GPC5: variants seen among roughly 807,000 people sequenced by gnomAD.
GPC5 encodes glypican-5.
GPC5 carries 47 observed loss-of-function variants against 53.9 expected under a neutral mutation model. The ratio of observed to expected loss-of-function variants is 0.87; its 90% CI spans 0.69 to 1.11. The LOEUF (loss-of-function observed/expected upper bound fraction) is 1.11, where lower values mean the gene tolerates loss of function less well. Among genes scored for constraint, GPC5 ranks in the 50% most tolerant of loss-of-function variants. The pLI, the probability that GPC5 is intolerant of heterozygous loss-of-function variation, is 0.00. For synonymous variants in GPC5, 286 were observed against 263.3 expected (o/e 1.09, Z -0.84); for missense variants, 748 against 713.1 (o/e 1.05, Z -0.56).
chr13:91,571,726 A>AAT (rs112520647), intron 2 of GPC5, among the ~76,000 whole-genome samples: 32,319 of 124,042 alleles, frequency 0.26, 6,290 homozygotes, highest in African/African-American at 0.56. Context: ...CTCTGTCTCA[A>AAT]ATATATATAT....
At chr13:91,679,983 A>T (rs1367083683) in intron 2 of GPC5, among the ~76,000 whole-genome samples, 1 of 152,124 alleles carries the variant, frequency 6.6e-6, no homozygotes, top group Non-Finnish European at 1.5e-5. Context: ...ATGGTAATTC[A>T]GACTTAAGTA....
At chr13:92,453,842 C>T (rs1878161596) in intron 7 of GPC5, among the ~76,000 whole-genome samples, 1 of 152,156 alleles carries the variant, frequency 6.6e-6, no homozygotes, top group Admixed American at 6.5e-5. Flanking sequence ...ACATTTCTTT[C>T]ATTTAAAATT....
rs1023386152 is a variant in GPC5 at position 92,717,967 on chromosome 13, T to C, written c.1562-148315T>C. 5.9e-5 allele frequency among the ~76,000 whole-genome samples: 9 copies of C among 152,054 alleles called. 1 individual carries two copies. The highest frequency in any genetic ancestry group is 2.2e-4 in the African/African-American group (9 of 41,398). ...AAAAGGTCTAAGAAAGACATACCAA[T>C]GGCAGAGAAATGCAAATTAAAACTA... On this transcript the variant is annotated intron_variant, in intron 7 of 7. Coordinates refer to ENST00000377067, the MANE Select transcript of GPC5 (RefSeq NM_004466.6).
intron 7 of GPC5, among the ~76,000 whole-genome samples, chr13:92,316,606 C>T (rs11842269): frequency 5.9e-5 from 9 of 151,892 alleles, no homozygotes; most frequent in South Asian, 2.1e-4. Context: ...GAATAAGCAC[C>T]GAGGGCTTTT....
intron 7 of GPC5, among the ~76,000 whole-genome samples, chr13:92,650,884 T>A (rs2139165736): frequency 2.0e-5 from 3 of 152,270 alleles, no homozygotes; most frequent in Middle Eastern, 6.8e-3. Flanking sequence ...GGTGGTTTGC[T>A]GCATCTATTA....
intron 7 of GPC5, among the ~76,000 whole-genome samples, chr13:92,148,697 C>T (rs1020012069): frequency 6.6e-6 from 1 of 152,066 alleles, no homozygotes; most frequent in African/African-American, 2.4e-5. Context: ...AAAGTCGCCT[C>T]ACCCCTTGCC....
At chr13:92,507,783 T>C (rs962339489) in intron 7 of GPC5, among the ~76,000 whole-genome samples, 1 of 152,156 alleles carries the variant, frequency 6.6e-6, no homozygotes, top group African/African-American at 2.4e-5. Flanking sequence ...GAATAAAATA[T>C]ATCCTGCACA....
intron 2 of GPC5, among the ~76,000 whole-genome samples, chr13:91,687,932 T>C (rs976954611): frequency 6.6e-5 from 10 of 152,214 alleles, no homozygotes; most frequent in African/African-American, 1.7e-4. Context: ...ATTAAGTAGA[T>C]GTGATTAATT....
intron 2 of GPC5, among the ~76,000 whole-genome samples, chr13:91,654,206 A>C (rs2034791377): frequency 6.6e-6 from 1 of 152,184 alleles, no homozygotes; most frequent in African/African-American, 2.4e-5. Context: ...GAATTAATAT[A>C]AACTTTCTGT....
chr13:92,754,169 A>G (rs1661956538), intron 7 of GPC5, among the ~76,000 whole-genome samples: 2 of 152,316 alleles, frequency 1.3e-5, no homozygotes, highest in Middle Eastern at 3.4e-3. Flanking sequence ...AGTGGGGGCC[A>G]ATATTCAACA....
At chr13:91,915,509 A>G (rs575984413) in intron 6 of GPC5, among the ~76,000 whole-genome samples, 1 of 152,258 alleles carries the variant, frequency 6.6e-6, no homozygotes, top group African/African-American at 2.4e-5. Flanking sequence ...TTGGATAAAA[A>G]TTTGACTTTT....
At chr13:91,762,509 A>C (rs1275269675) in intron 5 of GPC5, among the ~76,000 whole-genome samples, 1 of 151,870 alleles carries the variant, frequency 6.6e-6, no homozygotes, top group Non-Finnish European at 1.5e-5. Context: ...TAATGTAACA[A>C]CTGGTTGCTT....
At chr13:91,679,423 G>A (rs886386014) in intron 2 of GPC5, among the ~76,000 whole-genome samples, 2 of 152,144 alleles carry the variant, frequency 1.3e-5, no homozygotes, top group African/African-American at 4.8e-5. Flanking sequence ...AGGTTGATAT[G>A]TTATACATGG....
At chr13:92,627,969 G>A (rs965450736) in intron 7 of GPC5, among the ~76,000 whole-genome samples, 2 of 152,084 alleles carry the variant, frequency 1.3e-5, no homozygotes, top group African/African-American at 4.8e-5. Flanking sequence ...TATGACATTG[G>A]TGTGGTAGAC....
chr13:92,366,451 G>T (rs2043608063), intron 7 of GPC5, among the ~76,000 whole-genome samples: 1 of 151,702 alleles, frequency 6.6e-6, no homozygotes. Context: ...CTTTGATACA[G>T]GCAAACACAA....
At chr13:91,710,941 C>A (rs187552827) in intron 3 of GPC5, among the ~76,000 whole-genome samples, 2 of 152,154 alleles carry the variant, frequency 1.3e-5, no homozygotes, top group East Asian at 1.9e-4. Context: ...GTGGTTTCCA[C>A]GCAGATCATG....
chr13:91,840,660 G>A (rs1320559854), intron 5 of GPC5, among the ~76,000 whole-genome samples: 6 of 148,816 alleles, frequency 4.0e-5, no homozygotes, highest in African/African-American at 1.0e-4. Context: ...TTCTATTTAC[G>A]CCATACCAGA....
intron 7 of GPC5, among the ~76,000 whole-genome samples, chr13:92,256,921 A>T (rs2042730146): frequency 6.6e-6 from 1 of 152,138 alleles, no homozygotes; most frequent in African/African-American, 2.4e-5. Context: ...AGAAAGAAAA[A>T]ACACACAGCA....
At chr13:92,314,681 C>T (rs187237578) in intron 7 of GPC5, among the ~76,000 whole-genome samples, 1 of 152,324 alleles carries the variant, frequency 6.6e-6, no homozygotes, top group East Asian at 1.9e-4. Context: ...AGGGAAATAA[C>T]TGTAAGTAGA....
Sources: allele counts gnomAD v4.1 joint callset (sites outside exome capture counted in the v4.1 genomes callset), GRCh38; gene constraint gnomAD v4.1.1; transcripts MANE v1.5; gene names NCBI Gene and HGNC (gene_info 2026-07-23, HGNC 2026-07-21).